Variants in DNAJC1 observed in about 807,000 individuals in gnomAD.
The protein encoded by DNAJC1 is DnaJ heat shock protein family (Hsp40) member C1.
DNAJC1 carries 58 observed loss-of-function variants against 76.6 expected under a neutral mutation model. That is an observed-to-expected ratio of 0.76 (90% CI 0.61 to 0.94). The LOEUF (loss-of-function observed/expected upper bound fraction) is 0.94. Among genes scored for constraint, DNAJC1 ranks in the 40% least tolerant of loss-of-function variants. The pLI is 0.00. For missense variants in DNAJC1, 689 were observed against 677.3 expected, an observed-to-expected ratio of 1.02 and a Z score of -0.19; for synonymous variants, 258 against 267.9, an observed-to-expected ratio of 0.96 and a Z score of 0.36.
intron 7 of DNAJC1, among the ~76,000 whole-genome samples, chr10:21,904,276 TGAG>T (rs1836706954): frequency 6.6e-6 from 1 of 152,154 alleles, no homozygotes; most frequent in South Asian, 2.1e-4. Context: ...CCCCTAGATT[TGAG>T]GAGTTACATG....
rs375986855 is a variant in DNAJC1 at position 21,914,341 on chromosome 10, T to C, written c.729+4438A>G. Among the ~76,000 whole-genome samples, 175 of 152,306 alleles carry C rather than the reference T, an allele frequency of 1.1e-3. No individual in the cohort carries two copies. In the Middle Eastern group the frequency reaches 0.024, roughly 21 times the overall value. On this transcript the variant is annotated intron_variant, in intron 6 of 11. Transcript: ENST00000376980. ...ACAAAATCCAGTGCTCTGGAGGTAA[T>C]AAGGACCTTTACAAAGAAGCAAGGG... is the stretch of plus-strand genomic sequence containing the variant.
intron 1 of DNAJC1, among the ~76,000 whole-genome samples, chr10:21,992,506 T>C (rs973991715): frequency 6.6e-6 from 1 of 152,032 alleles, no homozygotes; most frequent in Non-Finnish European, 1.5e-5. Context: ...TGAGCAGAGA[T>C]TGTGCCACTG....
intron 2 of DNAJC1, 32 bp from the exon 3 acceptor site, chr10:21,928,584 T>C: frequency 6.4e-7 from 1 of 1,552,064 alleles, no homozygotes; most frequent in Admixed American, 1.7e-5. Context: ...AAAATAAAAA[T>C]ACTCTCAACT....
chr10:21,993,652 G>A (rs945041883), intron 1 of DNAJC1, among the ~76,000 whole-genome samples: 10 of 151,834 alleles, frequency 6.6e-5, no homozygotes, highest in African/African-American at 1.7e-4. Context: ...TTCTGTATAC[G>A]TTTCTATGTG....
intron 8 of DNAJC1, among the ~76,000 whole-genome samples, chr10:21,874,114 C>T (rs1291284573): frequency 6.6e-6 from 1 of 152,112 alleles, no homozygotes. Context: ...CAATATTATT[C>T]AGCCACAAAA....
rs530206470 is a variant in DNAJC1 at position 21,932,148 on chromosome 10, G to A, written c.223-3007C>T. On this transcript the variant is annotated intron_variant, in intron 1 of 11. Transcript: ENST00000376980. Reference sequence around the variant, plus strand: ...GCCCAAGAGTTTGAGACCAGCCTGAGCAACATGGAAAAACCCCATCTGTGC... The same window carrying A: ...GCCCAAGAGTTTGAGACCAGCCTGAACAACATGGAAAAACCCCATCTGTGC... Among the ~76,000 whole-genome samples the A allele has an allele frequency of 4.3e-4, 65 of 152,182 alleles. 1 individual carries two copies. Among genetic ancestry groups the A allele is most frequent in the African/African-American group, 1.4e-3 (60 of 41,506 alleles).
intron 1 of DNAJC1, among the ~76,000 whole-genome samples, chr10:21,983,951 A>C (rs1233637466): frequency 6.6e-6 from 1 of 152,186 alleles, no homozygotes; most frequent in Non-Finnish European, 1.5e-5. Context: ...ATTTTACTAC[A>C]ATAAAAAACA....
chr10:21,777,696 G>A (rs1321839243), intron 9 of DNAJC1, among the ~76,000 whole-genome samples: 1 of 152,240 alleles, frequency 6.6e-6, no homozygotes, highest in Non-Finnish European at 1.5e-5. Context: ...GGGCAACATA[G>A]CCTAAGAAAG....
intron 4 of DNAJC1, among the ~76,000 whole-genome samples, chr10:21,920,392 A>G (rs1001031296): frequency 3.3e-5 from 5 of 152,102 alleles, no homozygotes; most frequent in Non-Finnish European, 7.4e-5. Flanking sequence ...TTAGAATATT[A>G]TATTCATTTC....
intron 9 of DNAJC1, among the ~76,000 whole-genome samples, chr10:21,791,537 CA>C (rs1378136894): frequency 2.0e-5 from 3 of 152,118 alleles, no homozygotes; most frequent in Non-Finnish European, 2.9e-5. Flanking sequence ...GAAATCATAT[CA>C]AGTATCCTCT....
chr10:21,795,262 T>C (rs1341013925), intron 9 of DNAJC1, among the ~76,000 whole-genome samples: 2 of 152,170 alleles, frequency 1.3e-5, no homozygotes, highest in Non-Finnish European at 2.9e-5. Flanking sequence ...CCAATTAGTA[T>C]AGAATAAATA....
rs575787199 is a variant in DNAJC1 at position 21,795,991 on chromosome 10, A to C, written c.1098+9989T>G. 1.5e-4 allele frequency among the ~76,000 whole-genome samples: 21 copies of C among 140,068 alleles called. No homozygotes were observed. The East Asian group carries it at 3.9e-3, about 26-fold the overall frequency. 91.9% of individuals were successfully genotyped at this position (140,068 alleles called of 152,430 possible). Reference sequence around the variant, plus strand: ...TCCGCTTTTTTTTTTTTTTTTTGAGACAGAGTCTCACTCTGTTGCCCAGGC... The same window carrying C: ...TCCGCTTTTTTTTTTTTTTTTTGAGCCAGAGTCTCACTCTGTTGCCCAGGC... On this transcript the variant is annotated intron_variant, in intron 9 of 11. Transcript: ENST00000376980.
chr10:21,982,870 T>C (rs1249425321), intron 1 of DNAJC1, among the ~76,000 whole-genome samples: 13 of 152,116 alleles, frequency 8.5e-5, no homozygotes, highest in African/African-American at 2.9e-4. Flanking sequence ...GGGCAACAAA[T>C]TGTGACCCTT....
chr10:21,929,929 A>G (rs1227735266), intron 1 of DNAJC1, among the ~76,000 whole-genome samples: 1 of 152,232 alleles, frequency 6.6e-6, no homozygotes, highest in East Asian at 1.9e-4. Flanking sequence ...TCATTTTTAC[A>G]TGGCCAGTAT....
chr10:21,838,321 AC>A (rs1835507504), intron 8 of DNAJC1, among the ~76,000 whole-genome samples: 1 of 151,990 alleles, frequency 6.6e-6, no homozygotes, highest in Non-Finnish European at 1.5e-5. Context: ...CTATAACCTT[AC>A]CCCCAACCCC....
Position 21,840,017 on chromosome 10 carries a change from T to C in DNAJC1, c.979-33918A>G, listed in dbSNP as rs546712104. On this transcript the variant is annotated intron_variant, in intron 8 of 11. Transcript: ENST00000376980. ...GACAAAAACCACATGATTATCTCAA[T>C]AGATGCAGAAAAGGCCTTTGACAAA... Among the ~76,000 whole-genome samples the C allele has an allele frequency of 3.7e-3, 566 of 152,286 alleles. 13 individuals carry two copies. Among genetic ancestry groups the C allele is most frequent in the Middle Eastern group, 0.017 (5 of 294 alleles).
intron 8 of DNAJC1, among the ~76,000 whole-genome samples, chr10:21,881,255 AAGG>A (rs1836270515): frequency 6.6e-6 from 1 of 152,200 alleles, no homozygotes; most frequent in Non-Finnish European, 1.5e-5. Flanking sequence ...TATCAGCAAT[AAGG>A]TTGTTTTGCT....
At chr10:21,805,433 C>T (rs536691039) in intron 9 of DNAJC1, among the ~76,000 whole-genome samples, 5 of 115,884 alleles carry the variant, frequency 4.3e-5, no homozygotes, top group Non-Finnish European at 5.1e-5. Context: ...TTAAATGTTA[C>T]GTATGGACAC....
At chr10:21,764,591 G>A (rs1834274749) in intron 10 of DNAJC1, among the ~76,000 whole-genome samples, 2 of 152,072 alleles carry the variant, frequency 1.3e-5, no homozygotes, top group African/African-American at 4.8e-5. Flanking sequence ...AAAATCTTAG[G>A]AAACAATTTT....
Sources: gnomAD v4.1 joint callset for allele counts (sites outside exome capture counted in the v4.1 genomes callset) on GRCh38, gnomAD v4.1.1 for gene constraint, MANE v1.5 for transcripts, NCBI Gene and HGNC (gene_info 2026-07-23, HGNC 2026-07-21) for gene names.